HCN1: variants seen among roughly 807,000 people sequenced by gnomAD.
The protein encoded by HCN1 is hyperpolarization activated cyclic nucleotide gated potassium channel 1.
A neutral mutation model predicts 78.9 loss-of-function variants in HCN1; 13 were observed. That is an observed-to-expected ratio of 0.16 (90% CI 0.11 to 0.26). The LOEUF (loss-of-function observed/expected upper bound fraction) is 0.26. Among genes scored for constraint, HCN1 ranks in the 10% least tolerant of loss-of-function variants. HCN1 has a pLI of 1.00. For synonymous variants in HCN1, 552 were observed against 455.5 expected (o/e 1.21, Z -2.70); for missense variants, 810 against 1,154.3 (o/e 0.70, Z 4.32).
chr5:45,357,389 A>G (rs1322305904), intron 4 of HCN1, among the ~76,000 whole-genome samples: 1 of 152,008 alleles, frequency 6.6e-6, no homozygotes, highest in African/African-American at 2.4e-5. Flanking sequence ...TAATGTATTT[A>G]GTCTCTGCAT....
At chr5:45,501,084 C>T (rs546140227) in intron 2 of HCN1, among the ~76,000 whole-genome samples, 9 of 152,160 alleles carry the variant, frequency 5.9e-5, no homozygotes, top group South Asian at 4.1e-4. Flanking sequence ...TTTGATAAGC[C>T]GACTCAAACT....
rs548537128 is a variant in HCN1 at position 45,597,572 on chromosome 5, A to T, written c.849+47613T>A. 1.9e-3 allele frequency among the ~76,000 whole-genome samples: 288 copies of T among 152,308 alleles called. 2 individuals carry two copies. Among genetic ancestry groups the T allele is most frequent in the African/African-American group, 6.7e-3 (277 of 41,574 alleles). Reference sequence around the variant, plus strand: ...CAGTGTTGGAAGTTCTGGCCAGGGCAATCAGGCAAGAGAAGGAAAGAAAGG... The same window carrying T: ...CAGTGTTGGAAGTTCTGGCCAGGGCTATCAGGCAAGAGAAGGAAAGAAAGG... On this transcript the variant is annotated intron_variant, in intron 2 of 7. Transcript: ENST00000303230.
At chr5:45,404,686 C>T (rs1213225171) in intron 3 of HCN1, among the ~76,000 whole-genome samples, 1 of 84,756 alleles carries the variant, frequency 1.2e-5, no homozygotes, top group South Asian at 4.4e-4. Context: ...GGATGAAGGG[C>T]TATTTGCAAA....
Position 45,255,481 on chromosome 5 carries a change from G to GTA in HCN1, c.*6438_*6439dup, listed in dbSNP as rs1289984604. ...TAAGGCCAAGGACTCTGCACTTCTT[G>GTA]TAATTATACTTCTGGGTGATACTGA... On this transcript the variant is annotated 3_prime_UTR_variant, in exon 8 of 8. Transcript: ENST00000303230. 6.6e-6 allele frequency: 1 copy of GTA among 152,172 alleles called. No homozygotes were observed. Among genetic ancestry groups the GTA allele is most frequent in the Non-Finnish European group, 1.5e-5 (1 of 68,044 alleles). The allele number at this position is 152,172 out of a possible 1,614,324, so 9.4% of individuals were successfully genotyped here.
At chr5:45,584,897 C>G (rs1354218840) in intron 2 of HCN1, among the ~76,000 whole-genome samples, 1 of 152,212 alleles carries the variant, frequency 6.6e-6, no homozygotes, top group Non-Finnish European at 1.5e-5. Flanking sequence ...GCCAAGAGAT[C>G]AGCTGTTAGT....
chr5:45,463,231 C>T (rs1741200714), intron 2 of HCN1, among the ~76,000 whole-genome samples: 1 of 151,892 alleles, frequency 6.6e-6, no homozygotes, highest in African/African-American at 2.4e-5. Flanking sequence ...TTAAAATACA[C>T]ACACTGAAGT....
chr5:45,364,505 A>C (rs1244369021), intron 4 of HCN1, among the ~76,000 whole-genome samples: 1 of 151,828 alleles, frequency 6.6e-6, no homozygotes, highest in African/African-American at 2.4e-5. Context: ...TTAAACATCT[A>C]CCCTTACAAC....
At chr5:45,462,424 C>T (rs1004280134) in intron 2 of HCN1, among the ~76,000 whole-genome samples, 6 of 151,756 alleles carry the variant, frequency 4.0e-5, no homozygotes, top group African/African-American at 1.2e-4. Context: ...AAGAAAATAC[C>T]CAAGGACTGA....
At chr5:45,285,794 C>T (rs1164196546) in intron 6 of HCN1, among the ~76,000 whole-genome samples, 3 of 151,880 alleles carry the variant, frequency 2.0e-5, no homozygotes, top group African/African-American at 7.2e-5. Flanking sequence ...CCTTGCAGAA[C>T]TGGAGGAAGT....
chr5:45,525,613 T>C (rs930202008), intron 2 of HCN1, among the ~76,000 whole-genome samples: 4 of 152,018 alleles, frequency 2.6e-5, no homozygotes, highest in Non-Finnish European at 5.9e-5. Context: ...TTTAAAATTA[T>C]GATTACCCCA....
At chr5:45,590,614 T>C (rs187628963) in intron 2 of HCN1, among the ~76,000 whole-genome samples, 1 of 152,288 alleles carries the variant, frequency 6.6e-6, no homozygotes, top group Admixed American at 6.5e-5. Flanking sequence ...CCTGCCCTAA[T>C]AATCATCTAG....
At chr5:45,323,997 T>G (rs1292050317) in intron 5 of HCN1, among the ~76,000 whole-genome samples, 1 of 151,972 alleles carries the variant, frequency 6.6e-6, no homozygotes, top group Non-Finnish European at 1.5e-5. Context: ...TCTTTGCTAT[T>G]GTGAATAGTG....
At chr5:45,505,259 A>G (rs1004198865) in intron 2 of HCN1, among the ~76,000 whole-genome samples, 4 of 152,082 alleles carry the variant, frequency 2.6e-5, no homozygotes, top group African/African-American at 9.7e-5. Context: ...TCTTTAATCC[A>G]TCTTGAATTA....
At chr5:45,459,449 T>C (rs569187390) in intron 3 of HCN1, among the ~76,000 whole-genome samples, 75 of 147,510 alleles carry the variant, frequency 5.1e-4, no homozygotes, top group Non-Finnish European at 8.8e-4. Flanking sequence ...TGGAAAGATA[T>C]TTTGTATAAT....
At chr5:45,498,973 C>T (rs1282831426) in intron 2 of HCN1, among the ~76,000 whole-genome samples, 10 of 152,156 alleles carry the variant, frequency 6.6e-5, no homozygotes, top group African/African-American at 2.4e-4. Context: ...GGGAGAACCA[C>T]TACTCTTCTT....
chr5:45,375,140 A>G (rs865928125), intron 4 of HCN1, among the ~76,000 whole-genome samples: 2 of 121,510 alleles, frequency 1.6e-5, no homozygotes, highest in African/African-American at 6.3e-5. Flanking sequence ...TATATTTTAT[A>G]ATATATAATG....
At position 45,267,080 on chromosome 5, in the gene HCN1, C is replaced by G; in HGVS notation, c.1783+9G>C. 6.2e-7 allele frequency: 1 copy of G among 1,604,576 alleles called. No individual in the cohort carries two copies. Among genetic ancestry groups the G allele is most frequent in the Non-Finnish European group, 8.5e-7 (1 of 1,173,354 alleles). On this transcript the variant is annotated intron_variant, in intron 7 of 7. Coordinates refer to ENST00000303230, the MANE Select transcript of HCN1 (RefSeq NM_021072.4). ...AATTTTATATAAAGAAGGTAGAAAA[C>G]TAGAGTACCTATTCGATCTAGTCGG...
At chr5:45,687,894 G>A (rs767690253) in intron 1 of HCN1, among the ~76,000 whole-genome samples, 1 of 152,124 alleles carries the variant, frequency 6.6e-6, no homozygotes, top group East Asian at 1.9e-4. Flanking sequence ...TTTCCCGACT[G>A]AGAAAAATTG....
intron 3 of HCN1, among the ~76,000 whole-genome samples, chr5:45,399,486 G>A (rs1039793697): frequency 4.6e-5 from 7 of 152,140 alleles, no homozygotes; most frequent in Middle Eastern, 3.2e-3. Flanking sequence ...GACAGTGAGG[G>A]GCTCTGTGCA....
Sources: gnomAD v4.1 joint callset for allele counts (sites outside exome capture counted in the v4.1 genomes callset) on GRCh38, gnomAD v4.1.1 for gene constraint, MANE v1.5 for transcripts, NCBI Gene and HGNC (gene_info 2026-07-23, HGNC 2026-07-21) for gene names.